The following TESK2 variants were observed in gnomAD, a reference collection of about 807,000 sequenced individuals.
TESK2 encodes testis associated actin remodelling kinase 2, also known as dual specificity testis-specific protein kinase 2.
In TESK2, 39 loss-of-function variants were observed where a neutral mutation model predicts 57.1. That is an observed-to-expected ratio of 0.68 (90% confidence interval 0.53 to 0.89). The LOEUF (loss-of-function observed/expected upper bound fraction) is 0.89. TESK2 is among the 40% of genes least tolerant of loss of function. The probability of loss-of-function intolerance (pLI) is 0.00; values close to 1 mark genes in which losing one functional copy is unlikely to be tolerated. For synonymous variants in TESK2, 249 were observed against 267.9 expected (o/e 0.93, Z 0.69); for missense variants, 646 against 732.1 (o/e 0.88, Z 1.36).
chr1:45,435,336 C>T (rs1651152447), intron 2 of TESK2, among the ~76,000 whole-genome samples: 1 of 152,010 alleles, frequency 6.6e-6, no homozygotes, highest in African/African-American at 2.4e-5. Context: ...ACCACGTTGG[C>T]CAGGCTAGTT....
chr1:45,364,042 T>C (rs1647803325), intron 4 of TESK2, among the ~76,000 whole-genome samples: 1 of 152,176 alleles, frequency 6.6e-6, no homozygotes. Flanking sequence ...TATTTGTTAT[T>C]AGTGCAGAAG....
At chr1:45,458,307 G>A (rs112736325) in intron 1 of TESK2, among the ~76,000 whole-genome samples, 8,097 of 152,280 alleles carry the variant, frequency 0.053, 742 homozygotes, top group African/African-American at 0.18. Flanking sequence ...GCTCACGCCT[G>A]TAATCCCAGC....
At chr1:45,415,760 AC>A (rs1650215348) in intron 3 of TESK2, among the ~76,000 whole-genome samples, 1 of 152,202 alleles carries the variant, frequency 6.6e-6, no homozygotes, top group Non-Finnish European at 1.5e-5. Context: ...AGATGGGAAA[AC>A]TAAGGCTTAG....
intron 1 of TESK2, among the ~76,000 whole-genome samples, chr1:45,461,702 G>A (rs1211315626): frequency 1.3e-5 from 2 of 152,156 alleles, no homozygotes; most frequent in African/African-American, 4.8e-5. Flanking sequence ...AAACATCGTT[G>A]ACTATATAAA....
intron 3 of TESK2, among the ~76,000 whole-genome samples, chr1:45,405,484 C>T (rs182643407): frequency 6.3e-4 from 95 of 151,486 alleles, no homozygotes; most frequent in Middle Eastern, 3.4e-3. Flanking sequence ...TATCCCTCAC[C>T]GATTTCCTCT....
At chr1:45,365,153 A>G (rs1647855692) in intron 4 of TESK2, among the ~76,000 whole-genome samples, 1 of 152,210 alleles carries the variant, frequency 6.6e-6, no homozygotes, top group Non-Finnish European at 1.5e-5. Context: ...TAATTCCAGA[A>G]CAGACATCCC....
chr1:45,369,144 G>A (rs1409025173), intron 4 of TESK2, among the ~76,000 whole-genome samples: 1 of 152,144 alleles, frequency 6.6e-6, no homozygotes, highest in Admixed American at 6.5e-5. Flanking sequence ...AAAAGCCTGG[G>A]TTTCTTCTAC....
At chr1:45,439,684 G>A (rs1651360775) in intron 2 of TESK2, among the ~76,000 whole-genome samples, 1 of 152,190 alleles carries the variant, frequency 6.6e-6, no homozygotes, top group South Asian at 2.1e-4. Context: ...GCTAGGCATG[G>A]TAGCAAACAC....
intron 4 of TESK2, among the ~76,000 whole-genome samples, chr1:45,376,773 A>T (rs1180653351): frequency 3.3e-5 from 5 of 152,204 alleles, no homozygotes. Context: ...GAATGTATAG[A>T]AGAGAGCAAA....
chr1:45,457,162 G>A (rs532411523), intron 2 of TESK2, among the ~76,000 whole-genome samples: 139 of 152,150 alleles, frequency 9.1e-4, no homozygotes, highest in Non-Finnish European at 1.6e-3. Context: ...CTATATATGT[G>A]GGTGTGTGTA....
chr1:45,357,326 CA>C (rs1647473548), intron 4 of TESK2, among the ~76,000 whole-genome samples: 1 of 151,900 alleles, frequency 6.6e-6, no homozygotes, highest in Non-Finnish European at 1.5e-5. Context: ...AAATGACTGA[CA>C]GTATCAAAAG....
At chr1:45,368,289 C>A (rs1043501253) in intron 4 of TESK2, among the ~76,000 whole-genome samples, 6 of 152,100 alleles carry the variant, frequency 3.9e-5, no homozygotes, top group African/African-American at 1.2e-4. Context: ...GCCACCACAC[C>A]CGGCCTGACC....
chr1:45,353,759 G>A (rs1005709828), intron 5 of TESK2, among the ~76,000 whole-genome samples: 12 of 152,140 alleles, frequency 7.9e-5, no homozygotes, highest in African/African-American at 2.4e-4. Flanking sequence ...ATAATCAAAC[G>A]GTACTATTTA....
At chr1:45,353,941 G>A (rs1042591198) in intron 5 of TESK2, among the ~76,000 whole-genome samples, 3 of 152,174 alleles carry the variant, frequency 2.0e-5, no homozygotes, top group Non-Finnish European at 4.4e-5. Flanking sequence ...TGGCAGGGCA[G>A]CAGAAACTCA....
chr1:45,480,631 C>T (rs533089583), intron 1 of TESK2, among the ~76,000 whole-genome samples: 1 of 151,468 alleles, frequency 6.6e-6, no homozygotes, highest in Admixed American at 6.6e-5. Context: ...ATGATACATC[C>T]ATTCAATGGA....
chr1:45,489,209 C>T (rs1194512111), intron 1 of TESK2, among the ~76,000 whole-genome samples: 1 of 152,042 alleles, frequency 6.6e-6, no homozygotes, highest in Non-Finnish European at 1.5e-5. Context: ...GTCACCGCCC[C>T]CCACTCCCTT....
At chr1:45,395,082 T>A (rs1189676673) in intron 3 of TESK2, among the ~76,000 whole-genome samples, 1 of 152,148 alleles carries the variant, frequency 6.6e-6, no homozygotes, top group Non-Finnish European at 1.5e-5. Context: ...CCATTCCCCA[T>A]AAAGTGTCAT....
rs192795935 is a variant in TESK2 at position 45,417,652 on chromosome 1, C to T, written c.344+4073G>A. 3.5e-3 allele frequency among the ~76,000 whole-genome samples: 523 copies of T among 150,442 alleles called. 5 individuals carry two copies. The highest frequency in any genetic ancestry group is 0.031 in the East Asian group (155 of 5,040). On this transcript the variant is annotated intron_variant, in intron 3 of 10. Coordinates refer to ENST00000372086, the MANE Select transcript of TESK2 (RefSeq NM_007170.3). The stretch of plus-strand genomic sequence containing the variant: ...TGTCGCCTGGGCTGGAGTGCGGTGG[C>T]GCGATCTCGGCTCACTGCAAGCTCT...
chr1:45,384,397 A>G (rs867105677), intron 4 of TESK2, among the ~76,000 whole-genome samples: 29 of 130,998 alleles, frequency 2.2e-4, no homozygotes, highest in East Asian at 4.1e-4. Context: ...CTGTCTATCT[A>G]TCTATCTATC....
Sources: gnomAD v4.1 joint callset for allele counts (sites outside exome capture counted in the v4.1 genomes callset) on GRCh38, gnomAD v4.1.1 for gene constraint, MANE v1.5 for transcripts, NCBI Gene and HGNC (gene_info 2026-07-23, HGNC 2026-07-21) for gene names.